Variants in ITGA6 observed in about 807,000 individuals in gnomAD.
The protein encoded by ITGA6 is integrin alpha-6.
A neutral mutation model predicts 133.6 loss-of-function variants in ITGA6; 63 were observed. That is an observed-to-expected ratio of 0.47 (90% confidence interval 0.38 to 0.58). The LOEUF is 0.58. Ranked by LOEUF, ITGA6 falls within the 20% of genes least tolerant of loss-of-function variation. The pLI, the probability that ITGA6 is intolerant of heterozygous loss-of-function variation, is 0.00. For synonymous variants in ITGA6, 434 were observed against 482.0 expected (o/e 0.90, Z 1.30); for missense variants, 1,068 against 1,309.4 (o/e 0.82, Z 2.85).
chr2:172,478,211 G>T (rs1686263852), intron 9 of ITGA6, among the ~76,000 whole-genome samples: 1 of 152,084 alleles, frequency 6.6e-6, no homozygotes, highest in Non-Finnish European at 1.5e-5. Context: ...AACAATAAAG[G>T]AAAATGGAAA....
chr2:172,475,805 T>A lies in ITGA6; in HGVS notation c.1269+120T>A, dbSNP rs187805467. 181 of 676,336 alleles carry A rather than the reference T, an allele frequency of 2.7e-4. 1 individual carries two copies. In the East Asian group the frequency reaches 4.0e-3, roughly 15 times the overall value. The allele number at this position is 676,336 out of a possible 1,614,324, so 41.9% of individuals were successfully genotyped here. A position where few individuals can be genotyped will look rare whatever the true frequency, so the allele number is the denominator to read the frequency against. On this transcript the variant is annotated intron_variant, in intron 8 of 25. Coordinates refer to ENST00000684293, the MANE Select transcript of ITGA6 (RefSeq NM_000210.4). ...TTTTATTTACAAGTCCACAATAGTA[T>A]AAATTTTTTAAAAATGTATTACTAG...
intron 4 of ITGA6, among the ~76,000 whole-genome samples, chr2:172,470,431 G>C (rs183593436): frequency 2.0e-5 from 3 of 150,748 alleles, no homozygotes; most frequent in Admixed American, 6.6e-5. Flanking sequence ...TGGTTTACCT[G>C]CTTTATAAAC....
At chr2:172,433,903 G>A (rs1201054783) in intron 1 of ITGA6, among the ~76,000 whole-genome samples, 2 of 152,128 alleles carry the variant, frequency 1.3e-5, no homozygotes, top group Non-Finnish European at 2.9e-5. Flanking sequence ...TAGACATGAC[G>A]GGGCAGTGAC....
intron 1 of ITGA6, among the ~76,000 whole-genome samples, chr2:172,449,312 T>A (rs1017021292): frequency 6.6e-6 from 1 of 152,358 alleles, no homozygotes. Flanking sequence ...AATTATAGAA[T>A]GTCCTACAAA....
At chr2:172,460,037 T>G (rs1221132682) in intron 1 of ITGA6, among the ~76,000 whole-genome samples, 1 of 152,214 alleles carries the variant, frequency 6.6e-6, no homozygotes, top group Non-Finnish European at 1.5e-5. Flanking sequence ...AAATGTGAAG[T>G]ACACAAAGCA....
At chr2:172,502,328 C>T (rs1368350744) in intron 25 of ITGA6, among the ~76,000 whole-genome samples, 1 of 152,104 alleles carries the variant, frequency 6.6e-6, no homozygotes, top group Non-Finnish European at 1.5e-5. Context: ...GAAGCTGTGT[C>T]GACCGCCTAA....
chr2:172,439,779 A>G (rs1684467789), intron 1 of ITGA6, among the ~76,000 whole-genome samples: 1 of 152,212 alleles, frequency 6.6e-6, no homozygotes, highest in Non-Finnish European at 1.5e-5. Context: ...ACAGCTAGTC[A>G]GTGGTAATGT....
chr2:172,480,573 G>A (rs531923115), intron 11 of ITGA6, among the ~76,000 whole-genome samples: 7 of 152,102 alleles, frequency 4.6e-5, no homozygotes, highest in Admixed American at 2.0e-4. Flanking sequence ...CCGGCCCTGA[G>A]AGGTCAGAGA....
intron 25 of ITGA6, 133 bp downstream of exon 25, chr2:172,502,034 C>A: frequency 2.6e-6 from 2 of 781,830 alleles, no homozygotes; most frequent in Non-Finnish European, 4.0e-6. Context: ...GCTTGCCTTG[C>A]TTGGATTTGT....
In ITGA6 at chr2:172,491,072, G is replaced by A. The variant is rs61737182; in HGVS notation, c.2728G>A (p.Asp910Asn). The change falls in exon 21 of 26, where the codon GAT becomes AAT. Residue 910 changes from aspartate (D) to asparagine (N), a missense_variant. By Grantham distance (23) the Asp-to-Asn change is conservative. Around this residue, in one of 3 missense-constraint regions of ITGA6, gnomAD observed 609 missense variants for 707.2 expected, o/e 0.86. Coordinates refer to ENST00000684293, the MANE Select transcript of ITGA6 (RefSeq NM_000210.4). The surrounding 1 kb of genome is among the most constrained non-coding windows in gnomAD (Gnocchi z 4.4). ...KKREITEKQI[D>N]DNRKFSLFAE... ...ACGGGAAATTACTGAAAAACAGATA[G>A]ATGATAACAGAAAATTTTCTTTATT... The A allele has an allele frequency of 6.2e-3, 9,836 of 1,594,128 alleles. 47 individuals carry two copies. The highest frequency in any genetic ancestry group is 8.6e-3 in the Middle Eastern group (51 of 5,896).
chr2:172,437,903 A>G (rs1684390067), intron 1 of ITGA6, among the ~76,000 whole-genome samples: 1 of 151,750 alleles, frequency 6.6e-6, no homozygotes, highest in Non-Finnish European at 1.5e-5. Flanking sequence ...GTGAAAGATC[A>G]GTTATATCAA....
chr2:172,474,040 AT>A lies in ITGA6; in HGVS notation c.776-11del, dbSNP rs747822265. 4 of 1,580,276 alleles carry A rather than the reference AT, an allele frequency of 2.5e-6. No individual in the cohort carries two copies. In the South Asian group the frequency reaches 4.4e-5, roughly 18 times the overall value. ...TGGATTGATGTGAGGGGCTCTATAT[AT>A]TTTGTTTTTCTAGGTTTTTCTTTGG... On this transcript the variant is annotated splice_polypyrimidine_tract_variant and intron_variant, in intron 5 of 25. Transcript: ENST00000684293.
In ITGA6 at chr2:172,501,895, G is replaced by A. The variant is rs757356681; in HGVS notation, c.*16G>A. 3.1e-6 allele frequency: 5 copies of A among 1,610,696 alleles called. No homozygotes were observed. The highest frequency in any genetic ancestry group is 2.7e-5 in the African/African-American group (2 of 74,860). ...TGATGCATAGTATTGATCTACTTCT[G>A]TAATTGGTAATTGATCAATGTTTTT... On this transcript the variant is annotated 3_prime_UTR_variant, in exon 25 of 26. Transcript: ENST00000684293.
intron 11 of ITGA6, among the ~76,000 whole-genome samples, chr2:172,482,382 G>A (rs1686484061): frequency 6.6e-6 from 1 of 152,194 alleles, no homozygotes; most frequent in Non-Finnish European, 1.5e-5. Flanking sequence ...AAGAATGTGA[G>A]CTTATTGTTT....
chr2:172,442,678 C>A (rs962577881), intron 1 of ITGA6, among the ~76,000 whole-genome samples: 1 of 152,138 alleles, frequency 6.6e-6, no homozygotes, highest in Non-Finnish European at 1.5e-5. Flanking sequence ...CATTGTAATG[C>A]CCCAGTTGCC....
intron 1 of ITGA6, among the ~76,000 whole-genome samples, chr2:172,431,007 A>G (rs1397032140): frequency 6.6e-6 from 1 of 152,214 alleles, no homozygotes; most frequent in African/African-American, 2.4e-5. Flanking sequence ...AAGGAGATCT[A>G]TAAGAGATAG....
rs748680279 is a variant in ITGA6, at chr2:172,491,218, T to C, written c.2779-3T>C. ...TGATGACCATTCTTCTTTTTCTCTC[T>C]AGAACTGTAGCGTGAACGTGAACTG... On this transcript the variant is annotated splice_polypyrimidine_tract_variant and splice_region_variant and intron_variant, in intron 21 of 25. Transcript: ENST00000684293. The surrounding 1 kb of genome is among the most constrained non-coding windows in gnomAD (Gnocchi z 4.4). 6.9e-6 allele frequency: 11 copies of C among 1,592,490 alleles called. No homozygotes were observed. In the Admixed American group the frequency reaches 1.8e-4, roughly 27 times the overall value.
At position 172,504,106 on chromosome 2, in the gene ITGA6, C is replaced by A; in HGVS notation, c.*38C>A. On this transcript the variant is annotated 3_prime_UTR_variant, in exon 26 of 26. Coordinates refer to ENST00000684293, the MANE Select transcript of ITGA6 (RefSeq NM_000210.4). ...TCTTCTCTAGTGTGGATTCTTTAAA[C>A]GCTCTAGGTACGATGACAGTGTTCC... The A allele has an allele frequency of 6.3e-7, 1 of 1,588,140 alleles. No homozygotes were observed. Among genetic ancestry groups the A allele is most frequent in the Non-Finnish European group, 8.6e-7 (1 of 1,168,196 alleles).
At chr2:172,459,261 T>C (rs35180608) in intron 1 of ITGA6, among the ~76,000 whole-genome samples, 33,781 of 152,036 alleles carry the variant, frequency 0.22, 3,973 homozygotes, top group East Asian at 0.29. Context: ...CTGAGGTAGC[T>C]GGGGCCTCAA....
Sources: allele counts gnomAD v4.1 joint callset (sites outside exome capture counted in the v4.1 genomes callset), GRCh38; gene constraint gnomAD v4.1.1; regional missense constraint gnomAD v4.1.1; non-coding constraint Gnocchi (gnomAD v3.1); transcripts MANE v1.5; gene names NCBI Gene and HGNC (gene_info 2026-07-23, HGNC 2026-07-21).